GALNT13: variants seen among roughly 807,000 people sequenced by gnomAD.
The protein encoded by GALNT13 is polypeptide N-acetylgalactosaminyltransferase 13, also known as UDP-GalNAc:polypeptide N-acetylgalactosaminyltransferase 13.
Under a neutral mutation model 64.2 loss-of-function variants are expected in GALNT13, and 28 were observed. That is an observed-to-expected ratio of 0.44 (90% CI 0.32 to 0.60). The LOEUF is 0.60. GALNT13 is among the 20% of genes least tolerant of loss of function. GALNT13 has a pLI of 0.05. For synonymous variants in GALNT13, 214 were observed against 224.6 expected, an observed-to-expected ratio of 0.95 and a Z score of 0.42; for missense variants, 577 against 669.8, an observed-to-expected ratio of 0.86 and a Z score of 1.53.
chr2:154,366,553 T>C (rs1697371648), intron 9 of GALNT13, among the ~76,000 whole-genome samples: 1 of 152,190 alleles, frequency 6.6e-6, no homozygotes, highest in African/African-American at 2.4e-5. Flanking sequence ...TGAGTTAAAC[T>C]GTTAAAGCAA....
chr2:153,496,737 G>T, the GALNT13 span, among the ~76,000 whole-genome samples: 12 of 152,152 alleles, frequency 7.9e-5, no homozygotes, highest in East Asian at 1.7e-3. Context: ...TATAATCCCG[G>T]AATTTTGGGA....
chr2:153,167,661 G>T, the GALNT13 span, among the ~76,000 whole-genome samples: 1 of 152,152 alleles, frequency 6.6e-6, no homozygotes, highest in Admixed American at 6.5e-5. Flanking sequence ...CAATCGGATA[G>T]TCTGGAGTTG....
the GALNT13 span, among the ~76,000 whole-genome samples, chr2:153,780,614 C>T: frequency 2.0e-5 from 3 of 152,100 alleles, no homozygotes; most frequent in Non-Finnish European, 4.4e-5. Context: ...CATGCTCTAA[C>T]ACTAACCACT....
the GALNT13 span, among the ~76,000 whole-genome samples, chr2:153,193,840 C>A: frequency 6.6e-6 from 1 of 152,032 alleles, no homozygotes; most frequent in Non-Finnish European, 1.5e-5. Context: ...TTTATTTCAC[C>A]TTCATTTGTG....
At chr2:153,296,419 A>G in the GALNT13 span, among the ~76,000 whole-genome samples, 1 of 152,198 alleles carries the variant, frequency 6.6e-6, no homozygotes, top group African/African-American at 2.4e-5. Flanking sequence ...TGTGAATTTC[A>G]TATTTGTTTC....
At chr2:154,023,671 A>G (rs1380406105) in intron 3 of GALNT13, among the ~76,000 whole-genome samples, 1 of 152,158 alleles carries the variant, frequency 6.6e-6, no homozygotes, top group Non-Finnish European at 1.5e-5. Context: ...GTGTCTTTTA[A>G]TTGGAGCATT....
At chr2:154,163,792 C>G (rs1041458286) in intron 4 of GALNT13, among the ~76,000 whole-genome samples, 1 of 152,058 alleles carries the variant, frequency 6.6e-6, no homozygotes, top group Non-Finnish European at 1.5e-5. Flanking sequence ...AAATATCTGT[C>G]GTAAACTGGG....
At chr2:153,878,488 T>A (rs1388468455) in intron 1 of GALNT13, among the ~76,000 whole-genome samples, 1 of 152,168 alleles carries the variant, frequency 6.6e-6, no homozygotes, top group Non-Finnish European at 1.5e-5. Flanking sequence ...TCAAATAAAA[T>A]TTGGACCTAG....
chr2:153,736,116 C>T, the GALNT13 span, among the ~76,000 whole-genome samples: 1 of 152,270 alleles, frequency 6.6e-6, no homozygotes, highest in East Asian at 1.9e-4. Context: ...GATGATTCTT[C>T]ATTTCCCTCA....
the GALNT13 span, among the ~76,000 whole-genome samples, chr2:153,816,578 C>A: frequency 6.6e-6 from 1 of 152,038 alleles, no homozygotes; most frequent in Non-Finnish European, 1.5e-5. Flanking sequence ...GGGTTCCCCA[C>A]AGAGACAGAA....
the GALNT13 span, among the ~76,000 whole-genome samples, chr2:153,716,507 A>G: frequency 6.6e-6 from 1 of 152,164 alleles, no homozygotes. Context: ...GCTCCCAAGC[A>G]GCCAAGGCAG....
the GALNT13 span, among the ~76,000 whole-genome samples, chr2:153,589,567 T>A: frequency 6.6e-6 from 1 of 152,164 alleles, no homozygotes; most frequent in Non-Finnish European, 1.5e-5. Context: ...GATAAAGACA[T>A]ATCCAAGTCT....
At chr2:154,125,700 G>A (rs1682222566) in intron 3 of GALNT13, among the ~76,000 whole-genome samples, 1 of 152,164 alleles carries the variant, frequency 6.6e-6, no homozygotes, top group Non-Finnish European at 1.5e-5. Flanking sequence ...CAATCTTAAT[G>A]AATTAACTGT....
At chr2:153,708,009 A>C in the GALNT13 span, among the ~76,000 whole-genome samples, 8 of 152,090 alleles carry the variant, frequency 5.3e-5, no homozygotes, top group African/African-American at 1.9e-4. Flanking sequence ...CTTTGGAACA[A>C]TGAGGAGAAT....
intron 3 of GALNT13, among the ~76,000 whole-genome samples, chr2:153,972,309 A>G (rs889154424): frequency 6.6e-5 from 10 of 152,106 alleles, no homozygotes; most frequent in Admixed American, 5.9e-4. Flanking sequence ...GAGTCAAAAC[A>G]TGGCTTGTCC....
At chr2:154,068,767 C>T (rs1400377063) in intron 3 of GALNT13, among the ~76,000 whole-genome samples, 3 of 151,782 alleles carry the variant, frequency 2.0e-5, no homozygotes, top group South Asian at 2.1e-4. Flanking sequence ...TTAATGAGTA[C>T]AAAAATATAG....
the GALNT13 span, among the ~76,000 whole-genome samples, chr2:153,697,170 G>A: frequency 6.6e-6 from 1 of 152,148 alleles, no homozygotes; most frequent in African/African-American, 2.4e-5. Flanking sequence ...CACAGTGGCT[G>A]TGTTGAGCCT....
the GALNT13 span, among the ~76,000 whole-genome samples, chr2:153,368,272 T>C: frequency 6.6e-6 from 1 of 152,222 alleles, no homozygotes; most frequent in East Asian, 1.9e-4. Context: ...GAAATCTTCA[T>C]GATGGGATTA....
the GALNT13 span, among the ~76,000 whole-genome samples, chr2:153,738,286 A>G: frequency 6.6e-6 from 1 of 151,864 alleles, no homozygotes; most frequent in African/African-American, 2.4e-5. Context: ...ACCTTTTACT[A>G]CATTTTCCAT....
Sources: allele counts gnomAD v4.1 joint callset (sites outside exome capture counted in the v4.1 genomes callset), GRCh38; gene constraint gnomAD v4.1.1; transcripts MANE v1.5; gene names NCBI Gene and HGNC (gene_info 2026-07-23, HGNC 2026-07-21).